LRBA: variants seen among roughly 807,000 people sequenced by gnomAD.
The protein encoded by LRBA is lipopolysaccharide-responsive and beige-like anchor protein.
LRBA carries 176 observed loss-of-function variants against 330.0 expected under a neutral mutation model. The ratio of observed to expected loss-of-function variants is 0.53; its 90% confidence interval spans 0.47 to 0.60. The LOEUF (loss-of-function observed/expected upper bound fraction) is 0.60. Among genes scored for constraint, LRBA ranks in the 20% least tolerant of loss-of-function variants. The pLI, the probability that LRBA is intolerant of heterozygous loss-of-function variation, is 0.00. For synonymous variants in LRBA, 1,230 were observed against 1,193.0 expected (o/e 1.03, Z -0.64); for missense variants, 3,259 against 3,444.8 (o/e 0.95, Z 1.35).
At chr4:150,608,781 G>A (rs1774932007) in intron 37 of LRBA, among the ~76,000 whole-genome samples, 1 of 152,074 alleles carries the variant, frequency 6.6e-6, no homozygotes, top group Non-Finnish European at 1.5e-5. Context: ...CCAGCCCCTG[G>A]CAATGATGAG....
chr4:150,311,080 C>T (rs62344544), intron 51 of LRBA: 35,358 of 151,972 alleles, frequency 0.23, 4,199 homozygotes, highest in East Asian at 0.27. Context: ...GCACCTGAGA[C>T]GGGGTTTGTC....
chr4:150,970,686 A>G (rs1739487659), intron 2 of LRBA: 1 of 151,972 alleles, frequency 6.6e-6, no homozygotes, highest in African/African-American at 2.4e-5. Flanking sequence ...AAAATCTGCA[A>G]TATCTCCAAG....
intron 2 of LRBA, among the ~76,000 whole-genome samples, chr4:150,998,372 G>A (rs1334273008): frequency 6.6e-6 from 1 of 151,052 alleles, no homozygotes; most frequent in Non-Finnish European, 1.5e-5. Flanking sequence ...AAAAAAAAGA[G>A]AGATAGGGTC....
chr4:150,728,634 T>TA (rs1392698458), intron 36 of LRBA, among the ~76,000 whole-genome samples: 1 of 149,542 alleles, frequency 6.7e-6, no homozygotes, highest in African/African-American at 2.5e-5. Flanking sequence ...AAGCATCTGA[T>TA]AAAGTACAAC....
intron 40 of LRBA, among the ~76,000 whole-genome samples, chr4:150,552,581 C>T (rs564654440): frequency 6.6e-6 from 1 of 152,276 alleles, no homozygotes; most frequent in South Asian, 2.1e-4. Context: ...CTGTGGAAGA[C>T]AGGGTGGTGA....
chr4:150,948,820 A>G (rs1217079826), intron 2 of LRBA, among the ~76,000 whole-genome samples: 3 of 152,038 alleles, frequency 2.0e-5, no homozygotes, highest in African/African-American at 7.2e-5. Context: ...AAGAAGACAC[A>G]TAAACACACA....
intron 37 of LRBA, among the ~76,000 whole-genome samples, chr4:150,665,705 C>G (rs1188994351): frequency 5.9e-5 from 9 of 152,182 alleles, no homozygotes; most frequent in Non-Finnish European, 1.2e-4. Flanking sequence ...TCAGATTCAT[C>G]CATGTTGTTA....
intron 32 of LRBA, among the ~76,000 whole-genome samples, chr4:150,807,138 TCA>T (rs1290018824): frequency 6.6e-6 from 1 of 151,790 alleles, no homozygotes; most frequent in East Asian, 1.9e-4. Flanking sequence ...TTCAGATAAT[TCA>T]CAGATATCCA....
At chr4:150,361,966 G>T (rs932337593) in intron 47 of LRBA, among the ~76,000 whole-genome samples, 1 of 151,930 alleles carries the variant, frequency 6.6e-6, no homozygotes, top group East Asian at 1.9e-4. Context: ...TAGAGACGGG[G>T]TTTCACCATG....
chr4:150,294,532 T>C (rs1728715673), intron 53 of LRBA, among the ~76,000 whole-genome samples: 1 of 152,182 alleles, frequency 6.6e-6, no homozygotes, highest in Non-Finnish European at 1.5e-5. Flanking sequence ...CCATGCCTCA[T>C]CTATAAGTCA....
At chr4:150,581,382 T>C (rs1249948909) in intron 40 of LRBA, 3 of 439,984 alleles carry the variant, frequency 6.8e-6, no homozygotes, top group Non-Finnish European at 1.4e-5. Context: ...TTGGCAACAA[T>C]GGGAGGGGAG....
intron 2 of LRBA, among the ~76,000 whole-genome samples, chr4:151,003,612 C>T (rs141240363): frequency 1.8e-3 from 273 of 151,724 alleles, no homozygotes; most frequent in African/African-American, 6.0e-3. Context: ...CCCCCCAGCC[C>T]CCGCCCCTTC....
chr4:150,539,765 A>G (rs1337003699), intron 40 of LRBA, among the ~76,000 whole-genome samples: 1 of 152,210 alleles, frequency 6.6e-6, no homozygotes, highest in East Asian at 1.9e-4. Flanking sequence ...TGAGATACAT[A>G]TACATCTAGA....
At chr4:150,487,616 T>C (rs952229923) in intron 42 of LRBA, 116 bp downstream of exon 42, 2 of 486,354 alleles carry the variant, frequency 4.1e-6, no homozygotes, top group South Asian at 1.1e-4. Flanking sequence ...GTTATAAATT[T>C]CAAAATAAGT....
rs541690967 is a variant in LRBA, at chr4:150,951,330, G to T, written c.217-22265C>A. 5.3e-5 allele frequency among the ~76,000 whole-genome samples: 8 copies of T among 151,540 alleles called. No individual in the cohort carries two copies. In the East Asian group the frequency reaches 1.6e-3, roughly 29 times the overall value. ...ATTTTTTAAATCATTTTCATTCATAGTTCTCCACTGACAGTCTACGTTAGA... is the reference window on the plus strand; with the variant it reads ...ATTTTTTAAATCATTTTCATTCATATTTCTCCACTGACAGTCTACGTTAGA... On this transcript the variant is annotated intron_variant, in intron 2 of 56. Transcript: ENST00000651943.
At chr4:150,508,234 A>G (rs1415670102) in intron 40 of LRBA, among the ~76,000 whole-genome samples, 1 of 58,176 alleles carries the variant, frequency 1.7e-5, no homozygotes, top group East Asian at 8.0e-4. Context: ...TAAAATTTAA[A>G]AAAAAAGGGG....
chr4:150,836,258 T>C (rs1288108515), intron 28 of LRBA, among the ~76,000 whole-genome samples: 2 of 152,206 alleles, frequency 1.3e-5, no homozygotes, highest in Admixed American at 1.3e-4. Context: ...TGGTCTAAAA[T>C]TCTCTTTTTT....
At chr4:150,356,170 A>G (rs1302752168) in intron 47 of LRBA, among the ~76,000 whole-genome samples, 1 of 152,058 alleles carries the variant, frequency 6.6e-6, no homozygotes, top group Non-Finnish European at 1.5e-5. Flanking sequence ...TTCCATGTCA[A>G]CTTTGTTCCA....
intron 47 of LRBA, among the ~76,000 whole-genome samples, chr4:150,366,534 A>G (rs1739490120): frequency 6.6e-6 from 1 of 152,190 alleles, no homozygotes; most frequent in African/African-American, 2.4e-5. Flanking sequence ...GAGAGACTGC[A>G]TGGAGGAGTG....
Sources: allele counts gnomAD v4.1 joint callset (sites outside exome capture counted in the v4.1 genomes callset), GRCh38; gene constraint gnomAD v4.1.1; transcripts MANE v1.5; gene names NCBI Gene and HGNC (gene_info 2026-07-23, HGNC 2026-07-21).